The following MALRD1 variants were observed in gnomAD, a reference collection of about 807,000 sequenced individuals.
MALRD1 encodes MAM and LDL-receptor class A domain-containing protein 1.
A neutral mutation model predicts 242.1 loss-of-function variants in MALRD1; 247 were observed. The observed-to-expected ratio is 1.02, with a 90% CI of 0.92 to 1.13. MALRD1 has a LOEUF of 1.13. MALRD1 is among the 50% of genes most tolerant of loss of function. The probability of loss-of-function intolerance (pLI) is 0.00; values close to 1 mark genes in which losing one functional copy is unlikely to be tolerated. For missense variants in MALRD1, 2,989 were observed against 2,533.1 expected (o/e 1.18, Z -3.86); for synonymous variants, 995 against 866.6 (o/e 1.15, Z -2.60).
intron 36 of MALRD1, among the ~76,000 whole-genome samples, chr10:19,688,705 T>C (rs1049804874): frequency 3.9e-5 from 6 of 152,218 alleles, no homozygotes; most frequent in African/African-American, 1.4e-4. Context: ...CTTTCACTGC[T>C]GTTGCTCAAA....
intron 5 of MALRD1, among the ~76,000 whole-genome samples, chr10:19,117,446 GT>G (rs57094687): frequency 0.023 from 3,277 of 144,002 alleles, 86 homozygotes; most frequent in African/African-American, 0.071. Context: ...GTACTTCTGG[GT>G]TTTTTTTTTT....
intron 36 of MALRD1, among the ~76,000 whole-genome samples, chr10:19,636,405 A>G (rs1438110723): frequency 6.6e-6 from 1 of 152,200 alleles, no homozygotes; most frequent in Non-Finnish European, 1.5e-5. Flanking sequence ...AAACAAAACA[A>G]TTGGGATATA....
At chr10:19,131,480 C>G (rs1400923009) in intron 8 of MALRD1, among the ~76,000 whole-genome samples, 1 of 152,100 alleles carries the variant, frequency 6.6e-6, no homozygotes, top group Non-Finnish European at 1.5e-5. Context: ...CGTCCATGAT[C>G]TATAAAATAA....
intron 36 of MALRD1, among the ~76,000 whole-genome samples, chr10:19,632,985 A>G (rs1431853025): frequency 1.3e-5 from 2 of 152,044 alleles, no homozygotes; most frequent in African/African-American, 4.8e-5. Context: ...AAATCCCAAC[A>G]CTTTGGGAGG....
At chr10:19,633,771 G>C (rs936003282) in intron 36 of MALRD1, 1 of 151,398 alleles carries the variant, frequency 6.6e-6, no homozygotes, top group Non-Finnish European at 1.5e-5. Context: ...GACCAGATGA[G>C]ATCAGACATT....
At chr10:19,370,400 G>A (rs905736050) in intron 26 of MALRD1, among the ~76,000 whole-genome samples, 5 of 151,972 alleles carry the variant, frequency 3.3e-5, no homozygotes, top group African/African-American at 1.2e-4. Flanking sequence ...ATTTGTCTCA[G>A]TGCTGCTTTT....
intron 31 of MALRD1, among the ~76,000 whole-genome samples, chr10:19,509,317 C>T (rs1833291105): frequency 1.3e-5 from 2 of 152,144 alleles, no homozygotes; most frequent in South Asian, 4.1e-4. Flanking sequence ...TTGACTATAG[C>T]TAGGCATCTG....
chr10:19,663,397 G>A (rs11010993), intron 36 of MALRD1, among the ~76,000 whole-genome samples: 14,245 of 152,026 alleles, frequency 0.094, 1,709 homozygotes, highest in African/African-American at 0.28. Flanking sequence ...TGGTATATAT[G>A]TGTGACATTT....
intron 29 of MALRD1, among the ~76,000 whole-genome samples, chr10:19,458,382 A>T (rs527646648): frequency 6.6e-6 from 1 of 152,214 alleles, no homozygotes; most frequent in Admixed American, 6.5e-5. Flanking sequence ...ACATGTCCAT[A>T]CATAAATTGA....
At chr10:19,163,299 TG>T (rs1834522054) in intron 12 of MALRD1, among the ~76,000 whole-genome samples, 1 of 151,902 alleles carries the variant, frequency 6.6e-6, no homozygotes, top group East Asian at 1.9e-4. Context: ...GTGGTACATA[TG>T]TACTGCGGAA....
chr10:19,204,128 T>G (rs986553025), intron 15 of MALRD1, among the ~76,000 whole-genome samples, 180 bp from the exon 16 acceptor site: 2 of 152,164 alleles, frequency 1.3e-5, no homozygotes, highest in Non-Finnish European at 2.9e-5. Context: ...TAGCATGAGA[T>G]GTAGATAGTG....
At chr10:19,559,553 G>A (rs968711910) in intron 32 of MALRD1, among the ~76,000 whole-genome samples, 3 of 152,092 alleles carry the variant, frequency 2.0e-5, no homozygotes. Context: ...TGGAAATTGT[G>A]TAGAATTCGT....
At chr10:19,414,588 A>T (rs1833428120) in intron 28 of MALRD1, among the ~76,000 whole-genome samples, 1 of 152,214 alleles carries the variant, frequency 6.6e-6, no homozygotes, top group Admixed American at 6.5e-5. Context: ...GTCCAGAAAG[A>T]TGTTAAAGTT....
chr10:19,117,043 C>T (rs1588568751), intron 5 of MALRD1, among the ~76,000 whole-genome samples: 2 of 148,724 alleles, frequency 1.3e-5, no homozygotes, highest in Admixed American at 6.8e-5. Flanking sequence ...TGCAGTGAGC[C>T]GAGATTGTGC....
rs548153714 is a variant in MALRD1 at position 19,603,528 on chromosome 10, G to C, written c.5945-4249G>C. On this transcript the variant is annotated intron_variant, in intron 34 of 39. Coordinates refer to ENST00000454679, the MANE Select transcript of MALRD1 (RefSeq NM_001142308.3). ...TAGATGTGTGGTATTATTTCTGAGGGCTCTGTTCTGTTCCATTGGTCTATA... is the reference window on the plus strand; with the variant it reads ...TAGATGTGTGGTATTATTTCTGAGGCCTCTGTTCTGTTCCATTGGTCTATA... 2.2e-3 allele frequency among the ~76,000 whole-genome samples: 329 copies of C among 152,026 alleles called. 2 individuals are homozygous for C. The highest frequency in any genetic ancestry group is 3.9e-3 in the South Asian group (19 of 4,820).
At chr10:19,232,437 C>T (rs750759658) in intron 18 of MALRD1, among the ~76,000 whole-genome samples, 21 of 151,880 alleles carry the variant, frequency 1.4e-4, no homozygotes, top group African/African-American at 4.1e-4. Flanking sequence ...CTCAGCCTCC[C>T]GAAGTGCTGG....
At chr10:19,181,503 A>G (rs1835503221) in intron 14 of MALRD1, among the ~76,000 whole-genome samples, 1 of 152,228 alleles carries the variant, frequency 6.6e-6, no homozygotes, top group Admixed American at 6.5e-5. Flanking sequence ...TCTAAAAATT[A>G]TATACAGATA....
Position 19,146,262 on chromosome 10 carries a change from T to G in MALRD1, c.1476T>G (p.Asp492Glu), listed in dbSNP as rs111530988. The G allele has an allele frequency of 1.2e-3, 1,515 of 1,231,638 alleles. 17 individuals carry two copies. The African/African-American group carries it at 0.021, about 17-fold the overall frequency. 76.3% of individuals were successfully genotyped at this position (1,231,638 alleles called of 1,614,324 possible). ...FCGWEPFLTEDSHWKLMKGLN... is the reference protein window; with the variant it reads ...FCGWEPFLTEESHWKLMKGLN... ...GTTGGGAGCCATTTCTCACAGAAGA[T>G]TCACACTGGAAGCTGATGAAAGGAT... Residue 492 changes from aspartate to glutamate, a missense_variant, in exon 11 of 40, where the codon GAT (aspartate) becomes GAG (glutamate). Asp to Glu is a conservative substitution (Grantham distance 45, BLOSUM62 2). Transcript: ENST00000454679.
intron 26 of MALRD1, among the ~76,000 whole-genome samples, chr10:19,382,152 A>G (rs1170769339): frequency 6.6e-6 from 1 of 152,210 alleles, no homozygotes; most frequent in Admixed American, 6.5e-5. Context: ...TTAATAATAT[A>G]AGAGTCTCAG....
Sources: gnomAD v4.1 joint callset for allele counts (sites outside exome capture counted in the v4.1 genomes callset) on GRCh38, gnomAD v4.1.1 for gene constraint, MANE v1.5 for transcripts, NCBI Gene and HGNC (gene_info 2026-07-23, HGNC 2026-07-21) for gene names.